CLEC6A: variants seen among roughly 807,000 people sequenced by gnomAD.
The protein encoded by CLEC6A is C-type lectin domain containing 6A.
A neutral mutation model predicts 25.7 loss-of-function variants in CLEC6A; 22 were observed. That is an observed-to-expected ratio of 0.85 (90% confidence interval 0.61 to 1.22). CLEC6A has a LOEUF of 1.22. Ranked by LOEUF, CLEC6A falls within the 50% of genes most tolerant of loss-of-function variation. The pLI is 0.00. For synonymous variants in CLEC6A, 92 were observed against 76.7 expected (o/e 1.20, Z -1.04); for missense variants, 240 against 236.8 (o/e 1.01, Z -0.09).
At chr12:8,471,471 A>G (rs1445447318) in intron 4 of CLEC6A, among the ~76,000 whole-genome samples, 1 of 151,708 alleles carries the variant, frequency 6.6e-6, no homozygotes, top group Non-Finnish European at 1.5e-5. Flanking sequence ...CTAGTTATTG[A>G]TCTATTCAGA....
At chr12:8,465,949 A>T (rs148501579) in intron 4 of CLEC6A, among the ~76,000 whole-genome samples, 1 of 152,360 alleles carries the variant, frequency 6.6e-6, no homozygotes, top group African/African-American at 2.4e-5. Context: ...TTCATTTAGT[A>T]TAATATCCAC....
chr12:8,473,489 T>G (rs777196956), intron 4 of CLEC6A, among the ~76,000 whole-genome samples: 1 of 152,214 alleles, frequency 6.6e-6, no homozygotes, highest in Non-Finnish European at 1.5e-5. Context: ...GATAGGCACC[T>G]AGGTCGATTC....
rs772684841 is a variant in CLEC6A at position 8,457,896 on chromosome 12, A to C, written c.32-2A>C. On this transcript the variant is annotated splice_acceptor_variant, in intron 1 of 5. Transcript: ENST00000382073. LOFTEE classifies it high-confidence loss of function. ...GCATTTGTTGTCTTCCTGATTGGACAGAGAAAAGAGGCTGGTTGTCCCTGA... is the reference window on the plus strand; with the variant it reads ...GCATTTGTTGTCTTCCTGATTGGACCGAGAAAAGAGGCTGGTTGTCCCTGA... 6.2e-7 allele frequency: 1 copy of C among 1,612,534 alleles called. No homozygotes were observed. The highest frequency in any genetic ancestry group is 1.7e-5 in the Admixed American group (1 of 60,010).
intron 3 of CLEC6A, among the ~76,000 whole-genome samples, chr12:8,462,715 A>C (rs374649047): frequency 6.6e-6 from 1 of 152,006 alleles, no homozygotes; most frequent in Admixed American, 6.6e-5. Context: ...GAAACACCCA[A>C]AAATGATCAA....
At chr12:8,465,738 C>T in intron 4 of CLEC6A, 109 bp downstream of exon 4, 2 of 871,158 alleles carry the variant, frequency 2.3e-6, no homozygotes, top group South Asian at 2.4e-5. Context: ...ACTATTTTCA[C>T]ATTACTGGGT....
intron 4 of CLEC6A, among the ~76,000 whole-genome samples, chr12:8,470,006 G>C (rs982904311): frequency 1.6e-4 from 24 of 152,078 alleles, no homozygotes; most frequent in African/African-American, 4.8e-4. Flanking sequence ...AACACACAAA[G>C]TAGGAGAAAA....
At chr12:8,465,312 C>G (rs1229254344) in intron 3 of CLEC6A, among the ~76,000 whole-genome samples, 172 bp from the exon 4 acceptor site, 3 of 151,116 alleles carry the variant, frequency 2.0e-5, no homozygotes, top group Admixed American at 6.6e-5. Context: ...ATATTGAGGA[C>G]TTAATGCTAA....
intron 4 of CLEC6A, among the ~76,000 whole-genome samples, chr12:8,465,968 T>C (rs776033951): frequency 6.6e-6 from 1 of 152,356 alleles, no homozygotes; most frequent in South Asian, 2.1e-4. Flanking sequence ...ACAAGATTCG[T>C]CCATGTTCTC....
chr12:8,465,957 C>G (rs1475433916), intron 4 of CLEC6A, among the ~76,000 whole-genome samples: 2 of 152,010 alleles, frequency 1.3e-5, no homozygotes, highest in Non-Finnish European at 2.9e-5. Context: ...GTATAATATC[C>G]ACAAGATTCG....
chr12:8,472,624 A>G (rs1939921369), intron 4 of CLEC6A, among the ~76,000 whole-genome samples: 1 of 152,006 alleles, frequency 6.6e-6, no homozygotes, highest in Admixed American at 6.6e-5. Context: ...ACTTTTAACT[A>G]TTTTCTGAAG....
At chr12:8,474,824 G>A (rs187703136) in intron 4 of CLEC6A, among the ~76,000 whole-genome samples, 2 of 152,224 alleles carry the variant, frequency 1.3e-5, no homozygotes, top group East Asian at 1.9e-4. Flanking sequence ...ATCGACTATA[G>A]TTAAAACCTA....
chr12:8,460,699 T>G, intron 3 of CLEC6A: 2 of 1,492,888 alleles, frequency 1.3e-6, no homozygotes, highest in Non-Finnish European at 9.3e-7. Flanking sequence ...GGTCCGCTGC[T>G]GGCAGTACCG....
chr12:8,463,848 G>A (rs185644038), intron 3 of CLEC6A, among the ~76,000 whole-genome samples: 31 of 152,100 alleles, frequency 2.0e-4, no homozygotes, highest in Middle Eastern at 3.4e-3. Flanking sequence ...TACTATTAAC[G>A]TTAGCATACC....
In CLEC6A at chr12:8,476,145, G is replaced by T; in HGVS notation, c.390G>T (p.Leu130=). The T allele has an allele frequency of 6.2e-7, 1 of 1,608,852 alleles. No individual in the cohort carries two copies. Reference sequence around the variant, plus strand: ...TGCAGAATTTCATTGTCCAGCAGCTGAATGAGTCATTTTCTTATTTTCTGG... The same window carrying T: ...TGCAGAATTTCATTGTCCAGCAGCTTAATGAGTCATTTTCTTATTTTCTGG... The part of the protein sequence containing the change: ...EAEQNFIVQQ[L]NESFSYFLGL... The change falls in exon 5 of 6, where the codon CTG becomes CTT. Residue 130 remains leucine (L), a synonymous_variant. Transcript: ENST00000382073.
chr12:8,457,386 GT>G (rs1939691676), intron 1 of CLEC6A, among the ~76,000 whole-genome samples: 1 of 152,268 alleles, frequency 6.6e-6, no homozygotes, highest in South Asian at 2.1e-4. Context: ...CATCTGTGCT[GT>G]TGCAAATGGC....
intron 3 of CLEC6A, among the ~76,000 whole-genome samples, chr12:8,464,663 T>C (rs180817093): frequency 6.6e-6 from 1 of 152,130 alleles, no homozygotes. Context: ...ATCTAAACAA[T>C]TTACTATTTA....
At chr12:8,460,819 C>T in intron 3 of CLEC6A, 2 of 1,125,684 alleles carry the variant, frequency 1.8e-6, no homozygotes, top group East Asian at 2.3e-5. Flanking sequence ...TCGTGTTAGC[C>T]CTGGTGGCCA....
intron 4 of CLEC6A, among the ~76,000 whole-genome samples, chr12:8,471,132 A>C (rs1350333147): frequency 6.6e-6 from 1 of 152,090 alleles, no homozygotes. Flanking sequence ...TACATTCCAG[A>C]AATAAATCCC....
chr12:8,459,649 C>T lies in CLEC6A; in HGVS notation c.174C>T (p.His58=), dbSNP rs747523136. 9 of 1,613,592 alleles carry T rather than the reference C, an allele frequency of 5.6e-6. No homozygotes were observed. The highest frequency in any genetic ancestry group is 2.7e-5 in the African/African-American group (2 of 74,920). Residue 58 remains histidine, a synonymous_variant, in exon 3 of 6, where the codon CAC becomes CAT. Coordinates refer to ENST00000382073, the MANE Select transcript of CLEC6A (RefSeq NM_001007033.2). Reference sequence around the variant, plus strand: ...CTGGCAAAAGGCTGTCTGAACTACACTCATATCATTCAAGTCTCACCTGCT... The same window carrying T: ...CTGGCAAAAGGCTGTCTGAACTACATTCATATCATTCAAGTCTCACCTGCT... The part of the protein sequence containing the change: ...GETGKRLSEL[H]SYHSSLTCFS...
Sources: allele counts gnomAD v4.1 joint callset (sites outside exome capture counted in the v4.1 genomes callset), GRCh38; gene constraint gnomAD v4.1.1; transcripts MANE v1.5; gene names NCBI Gene and HGNC (gene_info 2026-07-23, HGNC 2026-07-21).